Variants in MAST4 observed in about 807,000 individuals in gnomAD.
MAST4 encodes microtubule-associated serine/threonine-protein kinase 4.
In MAST4, 89 loss-of-function variants were observed where a neutral mutation model predicts 162.7. The observed-to-expected ratio is 0.55, with a 90% CI of 0.46 to 0.65. MAST4 has a LOEUF of 0.65. Among genes scored for constraint, MAST4 ranks in the 30% least tolerant of loss-of-function variants. The pLI, the probability that MAST4 is intolerant of heterozygous loss-of-function variation, is 0.00. For missense variants in MAST4, 3,153 were observed against 3,374.0 expected (o/e 0.93, Z 1.62); for synonymous variants, 1,479 against 1,361.1 (o/e 1.09, Z -1.91).
intron 3 of MAST4, among the ~76,000 whole-genome samples, chr5:66,884,251 A>C (rs115166304): frequency 0.014 from 2,188 of 152,310 alleles, 40 homozygotes; most frequent in African/African-American, 0.049. Context: ...GATTGTAAAA[A>C]GTCTTGGGGA....
chr5:66,987,536 A>C (rs1393689335), intron 4 of MAST4, among the ~76,000 whole-genome samples: 1 of 152,038 alleles, frequency 6.6e-6, no homozygotes, highest in Non-Finnish European at 1.5e-5. Flanking sequence ...TATGGTGTTT[A>C]ATTTCAATAC....
At chr5:66,901,306 T>G (rs1242232741) in intron 4 of MAST4, among the ~76,000 whole-genome samples, 1 of 152,080 alleles carries the variant, frequency 6.6e-6, no homozygotes, top group Non-Finnish European at 1.5e-5. Context: ...ATGGGTTTTG[T>G]TTTTTGTTTC....
At chr5:66,825,175 G>A (rs1450365937) in intron 3 of MAST4, among the ~76,000 whole-genome samples, 1 of 151,506 alleles carries the variant, frequency 6.6e-6, no homozygotes, top group Non-Finnish European at 1.5e-5. Flanking sequence ...GCATTATGTG[G>A]CTGTAGCAAA....
intron 4 of MAST4, among the ~76,000 whole-genome samples, chr5:66,902,954 A>C (rs1415816973): frequency 6.6e-6 from 1 of 152,186 alleles, no homozygotes. Flanking sequence ...TGATATAGTC[A>C]GATAATGAAA....
intron 26 of MAST4, among the ~76,000 whole-genome samples, chr5:67,157,511 T>G (rs1772677526): frequency 6.6e-6 from 1 of 152,254 alleles, no homozygotes; most frequent in Non-Finnish European, 1.5e-5. Flanking sequence ...TGTTTATGGC[T>G]CCTTCATTTT....
At chr5:66,786,293 G>A (rs564275387) in intron 2 of MAST4, among the ~76,000 whole-genome samples, 4 of 140,280 alleles carry the variant, frequency 2.9e-5, no homozygotes, top group South Asian at 2.3e-4. Flanking sequence ...TTTAATCTAC[G>A]TTCAGTTTTC....
In MAST4 at chr5:66,914,145, A is replaced by T. The variant is rs185091087; in HGVS notation, c.674+14163A>T. Among the ~76,000 whole-genome samples the T allele has an allele frequency of 7.2e-5, 11 of 152,310 alleles. No homozygotes were observed. The East Asian group carries it at 1.7e-3, about 24-fold the overall frequency. Reference sequence around the variant, plus strand: ...ATCAGTTTGTCAGCTTCTACAAAAAAAAAAGCCTGTTGATATTTTTATTGA... The same window carrying T: ...ATCAGTTTGTCAGCTTCTACAAAAATAAAAGCCTGTTGATATTTTTATTGA... On this transcript the variant is annotated intron_variant, in intron 4 of 28. Transcript: ENST00000403625.
At chr5:66,746,983 G>C (rs1481589147) in intron 1 of MAST4, among the ~76,000 whole-genome samples, 1 of 151,482 alleles carries the variant, frequency 6.6e-6, no homozygotes, top group African/African-American at 2.4e-5. Flanking sequence ...TCTTTAGACT[G>C]TTGACTTTAT....
At chr5:67,105,313 T>C (rs192784243) in intron 10 of MAST4, among the ~76,000 whole-genome samples, 4 of 152,352 alleles carry the variant, frequency 2.6e-5, no homozygotes, top group Admixed American at 2.6e-4. Flanking sequence ...GCAAACATAA[T>C]TATAGATAGT....
intron 4 of MAST4, among the ~76,000 whole-genome samples, chr5:66,901,532 A>G (rs534961596): frequency 6.6e-6 from 1 of 152,248 alleles, no homozygotes; most frequent in South Asian, 2.1e-4. Context: ...TTAGTGAAAA[A>G]AGAATAATGA....
At chr5:66,629,787 C>T (rs940341745) in intron 1 of MAST4, among the ~76,000 whole-genome samples, 2 of 152,112 alleles carry the variant, frequency 1.3e-5, no homozygotes, top group Non-Finnish European at 2.9e-5. Context: ...TAATTTTAAC[C>T]AACTGGAAAG....
At chr5:67,069,683 T>TTGAAG (rs1760696515) in intron 5 of MAST4, among the ~76,000 whole-genome samples, 1 of 152,070 alleles carries the variant, frequency 6.6e-6, no homozygotes, top group Non-Finnish European at 1.5e-5. Context: ...CCCAGGAACT[T>TTGAAG]TGAAGGCCAG....
chr5:67,100,140 G>A lies in MAST4; in HGVS notation c.913-295G>A, dbSNP rs140633252. ...GCTCCCTAATGTCACTCCAGTGGTC[G>A]CTTTCTTGCTTTGGCTTTGACTGGT... On this transcript the variant is annotated intron_variant, in intron 7 of 28. Coordinates refer to ENST00000403625, the MANE Select transcript of MAST4 (RefSeq NM_001164664.2). 9.7e-3 allele frequency among the ~76,000 whole-genome samples: 1,475 copies of A among 152,246 alleles called. 22 individuals are homozygous for A. The highest frequency in any genetic ancestry group is 0.03 in the African/African-American group (1,263 of 41,546).
At chr5:66,633,742 A>AT (rs1295228753) in intron 1 of MAST4, among the ~76,000 whole-genome samples, 1 of 152,088 alleles carries the variant, frequency 6.6e-6, no homozygotes, top group African/African-American at 2.4e-5. Context: ...TGCTCAATTT[A>AT]TTTTTTTAAA....
chr5:66,665,753 T>C (rs1464283853), intron 1 of MAST4, among the ~76,000 whole-genome samples: 1 of 152,240 alleles, frequency 6.6e-6, no homozygotes, highest in Non-Finnish European at 1.5e-5. Flanking sequence ...GCAGATTATG[T>C]AATCCTTCTG....
intron 26 of MAST4, among the ~76,000 whole-genome samples, chr5:67,157,609 C>T (rs1254530175): frequency 1.3e-5 from 2 of 152,208 alleles, no homozygotes; most frequent in Non-Finnish European, 2.9e-5. Context: ...CAGCTATGCA[C>T]TGTGCCAGGC....
intron 1 of MAST4, among the ~76,000 whole-genome samples, chr5:66,630,505 TAAAC>T (rs767024946): frequency 9.2e-5 from 14 of 152,054 alleles, no homozygotes; most frequent in Non-Finnish European, 2.9e-5. Flanking sequence ...ATAGGCAGCA[TAAAC>T]AAAGTTGTAA....
chr5:66,759,239 T>C (rs1753717466), intron 1 of MAST4, among the ~76,000 whole-genome samples: 1 of 152,230 alleles, frequency 6.6e-6, no homozygotes, highest in Non-Finnish European at 1.5e-5. Flanking sequence ...AAGAGAGTGA[T>C]CTATTGCTTC....
chr5:67,097,201 T>G (rs1764562065), intron 7 of MAST4, among the ~76,000 whole-genome samples: 1 of 152,094 alleles, frequency 6.6e-6, no homozygotes, highest in East Asian at 1.9e-4. Flanking sequence ...AGTGAATCCA[T>G]AAAAAAAGGT....
Sources: gnomAD v4.1 joint callset for allele counts (sites outside exome capture counted in the v4.1 genomes callset) on GRCh38, gnomAD v4.1.1 for gene constraint, MANE v1.5 for transcripts, NCBI Gene and HGNC (gene_info 2026-07-23, HGNC 2026-07-21) for gene names.